PHACTR4: variants seen among roughly 807,000 people sequenced by gnomAD.
PHACTR4 encodes the protein protein phosphatase 1, regulatory subunit 124.
A neutral mutation model predicts 72.7 loss-of-function variants in PHACTR4; 51 were observed. The observed-to-expected ratio is 0.70, with a 90% CI of 0.56 to 0.89. The LOEUF (loss-of-function observed/expected upper bound fraction) is 0.89, where lower values mean the gene tolerates loss of function less well. Ranked by LOEUF, PHACTR4 falls within the 40% of genes least tolerant of loss-of-function variation. PHACTR4 has a pLI of 0.00. For missense variants in PHACTR4, 731 were observed against 861.8 expected, an observed-to-expected ratio of 0.85 and a Z score of 1.90; for synonymous variants, 255 against 302.5, an observed-to-expected ratio of 0.84 and a Z score of 1.63.
chr1:28,403,556 A>G (rs1325971557), intron 1 of PHACTR4, among the ~76,000 whole-genome samples: 1 of 152,322 alleles, frequency 6.6e-6, no homozygotes, highest in East Asian at 1.9e-4. Context: ...TACTTAAAAA[A>G]CAAAAAAACA....
intron 2 of PHACTR4, among the ~76,000 whole-genome samples, chr1:28,433,784 T>G (rs79142180): frequency 6.7e-6 from 1 of 150,060 alleles, no homozygotes; most frequent in South Asian, 2.1e-4. Flanking sequence ...TTTTATTTTG[T>G]TTTTTATTTT....
Position 28,369,792 on chromosome 1 carries a change from T to C in PHACTR4, c.-72T>C, listed in dbSNP as rs1277353419. 1 of 459,012 alleles carries C rather than the reference T, an allele frequency of 2.2e-6. No individual in the cohort carries two copies. The highest frequency in any genetic ancestry group is 2.0e-5 in the African/African-American group (1 of 49,930). The allele number at this position is 459,012 out of a possible 1,614,324, so 28.4% of individuals were successfully genotyped here. A position where few individuals can be genotyped will look rare whatever the true frequency, so the allele number is the denominator to read the frequency against. On this transcript the variant is annotated 5_prime_UTR_variant, in exon 1 of 14. Coordinates refer to ENST00000373839, the MANE Select transcript of PHACTR4 (RefSeq NM_001048183.3). The stretch of plus-strand genomic sequence containing the variant: ...AGGTAGGATTTCCGGGAGAGGCTGC[T>C]GTGGAGGCTGAGGAGGCGGCGGCGG...
intron 1 of PHACTR4, among the ~76,000 whole-genome samples, chr1:28,372,795 C>T (rs1220093878): frequency 2.7e-4 from 40 of 149,414 alleles, no homozygotes; most frequent in African/African-American, 8.9e-4. Context: ...GAGGTTACAG[C>T]GAGCTGAGAT....
rs1268508180 is a variant in PHACTR4, at chr1:28,497,495, A to C, written c.*946A>C. The C allele has an allele frequency of 2.1e-5, 3 of 145,944 alleles. No homozygotes were observed. Among genetic ancestry groups the C allele is most frequent in the Non-Finnish European group, 4.5e-5 (3 of 67,056 alleles). The allele number at this position is 145,944 out of a possible 1,614,324, so 9.0% of individuals were successfully genotyped here. A position where few individuals can be genotyped will look rare whatever the true frequency, so the allele number is the denominator to read the frequency against. On this transcript the variant is annotated 3_prime_UTR_variant, in exon 14 of 14. Transcript: ENST00000373839. ...AGTGAGCCAAGATCATGCCTACTGC[A>C]CTCCAGCCTGGGCAACAAAGTGGGA...
intron 9 of PHACTR4, 108 bp from the exon 10 acceptor site, chr1:28,489,062 T>G: frequency 1.4e-6 from 1 of 693,064 alleles, no homozygotes; most frequent in Non-Finnish European, 2.4e-6. Flanking sequence ...GAAAATTTGT[T>G]GATTTCTTAC....
intron 1 of PHACTR4, among the ~76,000 whole-genome samples, chr1:28,375,338 AAAAAC>A (rs1651571084): frequency 9.6e-6 from 1 of 103,872 alleles, no homozygotes; most frequent in African/African-American, 3.6e-5. Context: ...CCCCCAAAAA[AAAAAC>A]AAAAGAAAAG....
intron 2 of PHACTR4, among the ~76,000 whole-genome samples, chr1:28,431,722 T>C (rs1453012509): frequency 1.3e-5 from 2 of 152,202 alleles, no homozygotes; most frequent in African/African-American, 4.8e-5. Context: ...TTCCACAGTG[T>C]CTTACTGCTT....
At chr1:28,456,256 C>T (rs147171315) in intron 2 of PHACTR4, among the ~76,000 whole-genome samples, 8 of 152,260 alleles carry the variant, frequency 5.3e-5, no homozygotes, top group Admixed American at 2.6e-4. Flanking sequence ...AAGCATGTCA[C>T]GTGACCAGAG....
intron 1 of PHACTR4, among the ~76,000 whole-genome samples, chr1:28,385,619 T>C (rs1165345825): frequency 6.7e-6 from 1 of 150,178 alleles, no homozygotes; most frequent in Non-Finnish European, 1.5e-5. Flanking sequence ...AGTGAATTTT[T>C]TTTTTTTTTT....
chr1:28,406,601 T>C (rs1410007681), intron 1 of PHACTR4, among the ~76,000 whole-genome samples: 1 of 152,168 alleles, frequency 6.6e-6, no homozygotes, highest in Non-Finnish European at 1.5e-5. Flanking sequence ...AACTGCATCT[T>C]ACTCCCAAGT....
intron 2 of PHACTR4, among the ~76,000 whole-genome samples, chr1:28,419,800 G>A (rs1655394534): frequency 6.6e-6 from 1 of 152,056 alleles, no homozygotes; most frequent in African/African-American, 2.4e-5. Context: ...CTACCAAATT[G>A]ATTTAAAAAT....
intron 2 of PHACTR4, among the ~76,000 whole-genome samples, chr1:28,456,428 C>T (rs1190181214): frequency 6.6e-6 from 1 of 152,168 alleles, no homozygotes; most frequent in Non-Finnish European, 1.5e-5. Context: ...GGCCCCACTT[C>T]CAGTACTGAA....
chr1:28,466,904 G>A (rs1570045308), intron 6 of PHACTR4, 136 bp downstream of exon 6: 1 of 1,312,514 alleles, frequency 7.6e-7, no homozygotes, highest in East Asian at 2.3e-5. Flanking sequence ...ACCTCAATAT[G>A]GAGAAAAGTC....
At position 28,465,575 on chromosome 1, in the gene PHACTR4, A is replaced by G. The variant is rs938008379; in HGVS notation, c.272-110A>G. On this transcript the variant is annotated intron_variant, in intron 4 of 13. Coordinates refer to ENST00000373839, the MANE Select transcript of PHACTR4 (RefSeq NM_001048183.3). ...AGACCAGCCTGGGCAACATAGTGAG[A>G]CCCTGTCTCAATTTAAAAAAGAGAG... The G allele has an allele frequency of 1.6e-5, 18 of 1,146,700 alleles. No homozygotes were observed. The African/African-American group carries it at 2.7e-4, about 17-fold the overall frequency. 71.0% of individuals were successfully genotyped at this position (1,146,700 alleles called of 1,614,324 possible). A position where few individuals can be genotyped will look rare whatever the true frequency, so the allele number is the denominator to read the frequency against.
At chr1:28,387,993 G>T (rs1299162449) in intron 1 of PHACTR4, among the ~76,000 whole-genome samples, 1 of 151,928 alleles carries the variant, frequency 6.6e-6, no homozygotes, top group African/African-American at 2.4e-5. Context: ...CTCCCAAAGT[G>T]CTGGGATTAC....
intron 2 of PHACTR4, among the ~76,000 whole-genome samples, chr1:28,414,732 C>T (rs116397127): frequency 0.011 from 1,598 of 152,172 alleles, 27 homozygotes; most frequent in African/African-American, 0.037. Context: ...CGACCCCTTT[C>T]CAGAGACCAT....
At chr1:28,422,125 G>A (rs917867587) in intron 2 of PHACTR4, among the ~76,000 whole-genome samples, 1 of 152,134 alleles carries the variant, frequency 6.6e-6, no homozygotes, top group African/African-American at 2.4e-5. Context: ...AAAAATACTT[G>A]TGTTATTGGA....
At chr1:28,493,510 C>T (rs58953363) in intron 13 of PHACTR4, among the ~76,000 whole-genome samples, 42,352 of 150,226 alleles carry the variant, frequency 0.28, 6,132 homozygotes, top group Middle Eastern at 0.34. Context: ...TGCACTCCAG[C>T]CTGGGTGACA....
chr1:28,459,690 C>G (rs1337158634), intron 3 of PHACTR4, among the ~76,000 whole-genome samples: 1 of 152,170 alleles, frequency 6.6e-6, no homozygotes, highest in Non-Finnish European at 1.5e-5. Context: ...GCATGAGCCA[C>G]TGTGGCTGGC....
Sources: allele counts gnomAD v4.1 joint callset (sites outside exome capture counted in the v4.1 genomes callset), GRCh38; gene constraint gnomAD v4.1.1; transcripts MANE v1.5; gene names NCBI Gene and HGNC (gene_info 2026-07-23, HGNC 2026-07-21).